Variants in DNAH11 observed in about 807,000 individuals in gnomAD.
DNAH11 encodes axonemal beta dynein heavy chain 11.
DNAH11 carries 442 observed loss-of-function variants against 526.0 expected under a neutral mutation model. The ratio of observed to expected loss-of-function variants is 0.84; its 90% CI spans 0.78 to 0.91. The LOEUF is 0.91. Among genes scored for constraint, DNAH11 ranks in the 40% least tolerant of loss-of-function variants. DNAH11 has a pLI of 0.00. For missense variants in DNAH11, 6,989 were observed against 5,448.7 expected (o/e 1.28, Z -8.90); for synonymous variants, 2,461 against 1,935.9 (o/e 1.27, Z -7.12).
chr7:21,566,573 G>A lies in DNAH11; in HGVS notation c.1194+2176G>A, dbSNP rs182867811. Among the ~76,000 whole-genome samples the A allele has an allele frequency of 1.7e-3, 252 of 149,762 alleles. 3 individuals are homozygous for A. Among genetic ancestry groups the A allele is most frequent in the Non-Finnish European group, 1.5e-3 (104 of 67,702 alleles). On this transcript the variant is annotated intron_variant, in intron 6 of 81. Transcript: ENST00000409508. Reference sequence around the variant, plus strand: ...TACACCCTCATAGCAACACTATGACGTAGGTATTATTAGTAGCTTCATTTT... The same window carrying A: ...TACACCCTCATAGCAACACTATGACATAGGTATTATTAGTAGCTTCATTTT...
intron 6 of DNAH11, among the ~76,000 whole-genome samples, chr7:21,565,686 T>G (rs1783638478): frequency 6.6e-6 from 1 of 152,220 alleles, no homozygotes; most frequent in Non-Finnish European, 1.5e-5. Flanking sequence ...ACTCCTCAGT[T>G]CCCACATCTA....
intron 28 of DNAH11, among the ~76,000 whole-genome samples, chr7:21,648,729 A>G (rs765746310): frequency 6.6e-5 from 10 of 152,216 alleles, no homozygotes; most frequent in Non-Finnish European, 1.3e-4. Context: ...ACATATTTAT[A>G]TATGTGTATG....
At chr7:21,634,389 CAG>C (rs1430417579) in intron 25 of DNAH11, among the ~76,000 whole-genome samples, 3 of 152,120 alleles carry the variant, frequency 2.0e-5, no homozygotes, top group Admixed American at 2.0e-4. Context: ...AGAGAGTGGT[CAG>C]AGAAATGCTT....
chr7:21,566,815 A>G (rs1783688683), intron 6 of DNAH11, among the ~76,000 whole-genome samples: 1 of 152,194 alleles, frequency 6.6e-6, no homozygotes, highest in Non-Finnish European at 1.5e-5. Context: ...CTGGAGTTTT[A>G]TCACTCTATT....
At chr7:21,815,329 G>A (rs1789733328) in intron 63 of DNAH11, among the ~76,000 whole-genome samples, 1 of 152,272 alleles carries the variant, frequency 6.6e-6, no homozygotes, top group African/African-American at 2.4e-5. Context: ...GTCTCTAAGG[G>A]AACTATGTAT....
chr7:21,859,383 G>T (rs1782971508), intron 68 of DNAH11, among the ~76,000 whole-genome samples: 1 of 152,086 alleles, frequency 6.6e-6, no homozygotes. Flanking sequence ...CAAAGTGCTG[G>T]GATTACAGGC....
At chr7:21,681,175 C>A (rs1783119075) in intron 30 of DNAH11, among the ~76,000 whole-genome samples, 1 of 151,946 alleles carries the variant, frequency 6.6e-6, no homozygotes, top group African/African-American at 2.4e-5. Flanking sequence ...GCCTGTAATC[C>A]CAGCATTTTG....
At chr7:21,651,444 C>A (rs1035869181) in intron 28 of DNAH11, among the ~76,000 whole-genome samples, 1 of 152,046 alleles carries the variant, frequency 6.6e-6, no homozygotes, top group Non-Finnish European at 1.5e-5. Context: ...CTCACTGCAA[C>A]CTCCGCCCCT....
At chr7:21,653,781 G>A (rs990226812) in intron 28 of DNAH11, among the ~76,000 whole-genome samples, 7 of 152,152 alleles carry the variant, frequency 4.6e-5, no homozygotes, top group Admixed American at 2.0e-4. Flanking sequence ...TTTGAAACTC[G>A]GAGGACTTCT....
chr7:21,725,405 T>G (rs1785060129), intron 44 of DNAH11, among the ~76,000 whole-genome samples: 1 of 152,222 alleles, frequency 6.6e-6, no homozygotes, highest in Non-Finnish European at 1.5e-5. Flanking sequence ...GGGAAAAATA[T>G]TTTATCATTG....
At chr7:21,861,683 C>T (rs1248272847) in intron 68 of DNAH11, among the ~76,000 whole-genome samples, 170 bp from the exon 69 acceptor site, 1 of 152,138 alleles carries the variant, frequency 6.6e-6, no homozygotes, top group Admixed American at 6.5e-5. Context: ...GTAATGACAG[C>T]AAACATTTAA....
At chr7:21,872,917 G>A (rs1463062245) in intron 73 of DNAH11, among the ~76,000 whole-genome samples, 1 of 152,136 alleles carries the variant, frequency 6.6e-6, no homozygotes, top group Non-Finnish European at 1.5e-5. Flanking sequence ...ACCCCAATAT[G>A]TCTCAGTAAT....
At chr7:21,846,154 A>G (rs560696348) in intron 66 of DNAH11, among the ~76,000 whole-genome samples, 85 of 152,326 alleles carry the variant, frequency 5.6e-4, no homozygotes, top group Admixed American at 9.1e-4. Context: ...TTTTCCACAT[A>G]GATTATCATG....
chr7:21,897,214 T>G (rs971933222), intron 79 of DNAH11, among the ~76,000 whole-genome samples: 5 of 148,854 alleles, frequency 3.4e-5, no homozygotes, highest in Non-Finnish European at 7.5e-5. Context: ...AGTTTAAACA[T>G]ACTTACAAGT....
intron 76 of DNAH11, among the ~76,000 whole-genome samples, chr7:21,888,945 G>A (rs79054735): frequency 0.015 from 2,206 of 151,622 alleles, 26 homozygotes; most frequent in South Asian, 0.029. Context: ...CAACTCAAAG[G>A]TCTTTAGTAT....
intron 22 of DNAH11, 128 bp from the exon 23 acceptor site, chr7:21,617,491 C>T: frequency 8.9e-7 from 1 of 1,117,858 alleles, no homozygotes; most frequent in Non-Finnish European, 1.3e-6. Flanking sequence ...GCTCCTTGGT[C>T]TAGGAGTTCA....
At position 21,892,465 on chromosome 7, in the gene DNAH11, C is replaced by T. The variant is rs746934962; in HGVS notation, c.12548C>T (p.Pro4183Leu). Residue 4183 changes from proline (P) to leucine (L), a missense_variant, in exon 77 of 82, where the codon CCA becomes CTA. Pro to Leu is a moderately conservative substitution (Grantham distance 98). Transcript: ENST00000409508. Reference protein sequence around the residue: ...ELMLAPGFAAPPYLDYAGYHQ... With the variant: ...ELMLAPGFAALPYLDYAGYHQ... Reference sequence around the variant, plus strand: ...ATGCTGGCACCAGGTTTTGCTGCCCCACCCTACCTAGATTATGCAGGCTAC... The same window carrying T: ...ATGCTGGCACCAGGTTTTGCTGCCCTACCCTACCTAGATTATGCAGGCTAC... 13 of 1,612,850 alleles carry T rather than the reference C, an allele frequency of 8.1e-6. No homozygotes were observed. The highest frequency in any genetic ancestry group is 1.1e-5 in the Non-Finnish European group (13 of 1,179,132).
chr7:21,788,690 G>A (rs778109847), intron 60 of DNAH11, among the ~76,000 whole-genome samples: 1 of 152,162 alleles, frequency 6.6e-6, no homozygotes, highest in East Asian at 1.9e-4. Flanking sequence ...TTGATGTTGT[G>A]TGGATATCTC....
At chr7:21,711,068 A>G (rs1784448884) in intron 41 of DNAH11, among the ~76,000 whole-genome samples, 1 of 152,206 alleles carries the variant, frequency 6.6e-6, no homozygotes, top group Non-Finnish European at 1.5e-5. Context: ...CCATATGATG[A>G]TTGAAATTAA....
Sources: gnomAD v4.1 joint callset for allele counts (sites outside exome capture counted in the v4.1 genomes callset) on GRCh38, gnomAD v4.1.1 for gene constraint, MANE v1.5 for transcripts, NCBI Gene and HGNC (gene_info 2026-07-23, HGNC 2026-07-21) for gene names.